IQGAP2: variants seen among roughly 807,000 people sequenced by gnomAD.
IQGAP2 encodes the protein IQ motif containing GTPase activating protein 2.
In IQGAP2, 173 loss-of-function variants were observed where a neutral mutation model predicts 201.3. The ratio of observed to expected loss-of-function variants is 0.86; its 90% CI spans 0.76 to 0.98. IQGAP2 has a LOEUF of 0.98. Among genes scored for constraint, IQGAP2 ranks in the 50% least tolerant of loss-of-function variants. The probability of loss-of-function intolerance (pLI) is 0.00; values close to 1 mark genes in which losing one functional copy is unlikely to be tolerated. For missense variants in IQGAP2, 1,687 were observed against 1,864.8 expected (o/e 0.90, Z 1.76); for synonymous variants, 675 against 673.9 (o/e 1.00, Z -0.03).
At position 76,571,680 on chromosome 5, in the gene IQGAP2, A is replaced by G. The variant is rs538165390; in HGVS notation, c.381+1023A>G. 3.3e-5 allele frequency among the ~76,000 whole-genome samples: 5 copies of G among 152,344 alleles called. No homozygotes were observed. In the East Asian group the frequency reaches 5.8e-4, roughly 18 times the overall value. ...AATGAGGAAATAATTACATTTGATA[A>G]AAATTGTAGAACTATTTTTTTAAAC... On this transcript the variant is annotated intron_variant, in intron 4 of 35. Coordinates refer to ENST00000274364, the MANE Select transcript of IQGAP2 (RefSeq NM_006633.5).
At chr5:76,642,779 C>T (rs1432916865) in intron 17 of IQGAP2, among the ~76,000 whole-genome samples, 1 of 152,198 alleles carries the variant, frequency 6.6e-6, no homozygotes, top group Non-Finnish European at 1.5e-5. Flanking sequence ...GGCAAAACTC[C>T]TAGGCCGAGG....
intron 28 of IQGAP2, among the ~76,000 whole-genome samples, chr5:76,682,865 C>T (rs542362486): frequency 6.6e-6 from 1 of 152,342 alleles, no homozygotes; most frequent in East Asian, 1.9e-4. Context: ...TGGTAGAAGG[C>T]TTCCCTTTGG....
intron 2 of IQGAP2, among the ~76,000 whole-genome samples, chr5:76,514,898 G>A (rs1033552417): frequency 6.6e-6 from 1 of 152,180 alleles, no homozygotes; most frequent in Non-Finnish European, 1.5e-5. Flanking sequence ...GTGTGTCTGT[G>A]TTCTCAGTCT....
rs183778830 is a variant in IQGAP2 at position 76,507,047 on chromosome 5, G to A, written c.146+45378G>A. 6.6e-5 allele frequency among the ~76,000 whole-genome samples: 10 copies of A among 152,236 alleles called. No homozygotes were observed. In the East Asian group the frequency reaches 1.5e-3, roughly 23 times the overall value. ...GTTTATAGATAGAGGCAAAGACCCC[G>A]AATAGCCAATACAATATTGAAGGAG... is the stretch of plus-strand genomic sequence containing the variant. On this transcript the variant is annotated intron_variant, in intron 2 of 35. Coordinates refer to ENST00000274364, the MANE Select transcript of IQGAP2 (RefSeq NM_006633.5).
chr5:76,473,363 T>C (rs1489466254), intron 2 of IQGAP2, among the ~76,000 whole-genome samples: 1 of 152,200 alleles, frequency 6.6e-6, no homozygotes, highest in African/African-American at 2.4e-5. Flanking sequence ...TCCTGTGAAC[T>C]GTTTCTATTT....
At chr5:76,476,643 T>C (rs185148967) in intron 2 of IQGAP2, among the ~76,000 whole-genome samples, 1 of 152,250 alleles carries the variant, frequency 6.6e-6, no homozygotes, top group Non-Finnish European at 1.5e-5. Context: ...TGACTTTATA[T>C]GAGTTCTGGG....
chr5:76,525,994 G>C (rs1245932755), intron 2 of IQGAP2, among the ~76,000 whole-genome samples: 1 of 152,196 alleles, frequency 6.6e-6, no homozygotes, highest in Admixed American at 6.5e-5. Flanking sequence ...CTAAATTGTA[G>C]AGGCTAATGC....
chr5:76,665,929 G>T (rs1743715630), intron 22 of IQGAP2, among the ~76,000 whole-genome samples: 2 of 152,198 alleles, frequency 1.3e-5, no homozygotes, highest in Admixed American at 1.3e-4. Context: ...CCCCAAAGAG[G>T]TGGATCCATA....
chr5:76,647,145 G>C (rs7717164), intron 17 of IQGAP2, among the ~76,000 whole-genome samples: 1 of 152,114 alleles, frequency 6.6e-6, no homozygotes, highest in East Asian at 1.9e-4. Flanking sequence ...TGGAATGCAT[G>C]TTCTTTTCCC....
At chr5:76,435,606 A>G (rs1223286175) in intron 1 of IQGAP2, among the ~76,000 whole-genome samples, 1 of 152,214 alleles carries the variant, frequency 6.6e-6, no homozygotes, top group Admixed American at 6.5e-5. Flanking sequence ...TATAATTTGA[A>G]GTCAGTTAAT....
intron 2 of IQGAP2, among the ~76,000 whole-genome samples, chr5:76,484,259 A>G (rs1561405706): frequency 6.6e-6 from 1 of 152,196 alleles, no homozygotes; most frequent in South Asian, 2.1e-4. Context: ...TTATGAGGAA[A>G]GTGGCTTTAG....
intron 1 of IQGAP2, among the ~76,000 whole-genome samples, chr5:76,429,652 A>C (rs1206850177): frequency 6.8e-6 from 1 of 147,456 alleles, no homozygotes; most frequent in Non-Finnish European, 1.5e-5. Flanking sequence ...ATGTATATAT[A>C]TATGTTAAAA....
chr5:76,492,959 C>T (rs960414469), intron 2 of IQGAP2, among the ~76,000 whole-genome samples: 9 of 152,132 alleles, frequency 5.9e-5, no homozygotes, highest in Admixed American at 3.3e-4. Context: ...GACTGATATG[C>T]GTACCAGCAT....
In IQGAP2 at chr5:76,403,497, G is replaced by A; in HGVS notation, c.-49G>A. 7.1e-7 allele frequency: 1 copy of A among 1,411,104 alleles called. No individual in the cohort carries two copies. Among genetic ancestry groups the A allele is most frequent in the Non-Finnish European group, 9.2e-7 (1 of 1,085,204 alleles). 87.4% of individuals were successfully genotyped at this position (1,411,104 alleles called of 1,614,324 possible). A position where few individuals can be genotyped will look rare whatever the true frequency, so the allele number is the denominator to read the frequency against. On this transcript the variant is annotated 5_prime_UTR_variant, in exon 1 of 36. Coordinates refer to ENST00000274364, the MANE Select transcript of IQGAP2 (RefSeq NM_006633.5). This position sits in a 1 kb window ranked among gnomAD's most constrained non-coding sequence, Gnocchi z 4.8. ...CAGAGCCCGCGAGCCTGGCCAGCGA[G>A]GGTAGCCGCGGGGGGCGCGCCCCGG...
In IQGAP2 at chr5:76,403,763, C is replaced by A. The variant is rs1486610970; in HGVS notation, c.46+172C>A. Among the ~76,000 whole-genome samples, 1 of 152,100 alleles carries A rather than the reference C, an allele frequency of 6.6e-6. No homozygotes were observed. Among genetic ancestry groups the A allele is most frequent in the Non-Finnish European group, 1.5e-5 (1 of 68,016 alleles). The stretch of plus-strand genomic sequence containing the variant: ...AGTTGCAAAGGGCAGTGAATCGCGT[C>A]CCCCCGCTCCTCCCGCCCCCCAATT... On this transcript the variant is annotated intron_variant, in intron 1 of 35. Coordinates refer to ENST00000274364, the MANE Select transcript of IQGAP2 (RefSeq NM_006633.5). The surrounding 1 kb of genome is among the most constrained non-coding windows in gnomAD (Gnocchi z 4.8).
At chr5:76,629,157 T>C (rs1357994552) in intron 14 of IQGAP2, among the ~76,000 whole-genome samples, 1 of 152,190 alleles carries the variant, frequency 6.6e-6, no homozygotes, top group Non-Finnish European at 1.5e-5. Context: ...TAAAATCCTA[T>C]CTTTTCACTC....
At chr5:76,414,170 C>T (rs1484444051) in intron 1 of IQGAP2, among the ~76,000 whole-genome samples, 3 of 152,220 alleles carry the variant, frequency 2.0e-5, no homozygotes, top group Non-Finnish European at 4.4e-5. Flanking sequence ...TCCTCACCTC[C>T]CCAAAAGGGG....
chr5:76,405,061 A>C (rs561958134), intron 1 of IQGAP2, among the ~76,000 whole-genome samples: 1 of 152,382 alleles, frequency 6.6e-6, no homozygotes, highest in Admixed American at 6.5e-5. Context: ...AAATGATAAG[A>C]TAACCACAAA....
chr5:76,440,365 A>G (rs1370209173), intron 1 of IQGAP2, among the ~76,000 whole-genome samples: 4 of 152,102 alleles, frequency 2.6e-5, no homozygotes, highest in Non-Finnish European at 5.9e-5. Context: ...TCTCTTTTTA[A>G]AAGCATTTTC....
Sources: allele counts gnomAD v4.1 joint callset (sites outside exome capture counted in the v4.1 genomes callset), GRCh38; gene constraint gnomAD v4.1.1; non-coding constraint Gnocchi (gnomAD v3.1); transcripts MANE v1.5; gene names NCBI Gene and HGNC (gene_info 2026-07-23, HGNC 2026-07-21).